The following SPMIP2 variants were observed in gnomAD, a reference collection of about 807,000 sequenced individuals.
SPMIP2 encodes the protein protein SPMIP2.
At chr4:158,953,927 T>C in the SPMIP2 span, among the ~76,000 whole-genome samples, 1 of 152,206 alleles carries the variant, frequency 6.6e-6, no homozygotes, top group Non-Finnish European at 1.5e-5. Flanking sequence ...TGTACTCACA[T>C]TGTATTGAGG....
chr4:158,915,684 T>C, the SPMIP2 span, among the ~76,000 whole-genome samples: 2 of 152,204 alleles, frequency 1.3e-5, no homozygotes, highest in Non-Finnish European at 2.9e-5. Flanking sequence ...TGAGGCTTCA[T>C]GAGACCCATG....
the SPMIP2 span, among the ~76,000 whole-genome samples, chr4:158,984,326 T>G: frequency 7.0e-6 from 1 of 143,264 alleles, no homozygotes; most frequent in African/African-American, 2.6e-5. Context: ...CCACAGAATA[T>G]ACATTTTTTT....
chr4:159,072,061 C>T, the SPMIP2 span, among the ~76,000 whole-genome samples: 28,833 of 152,182 alleles, frequency 0.19, 2,759 homozygotes, highest in Admixed American at 0.25. Flanking sequence ...CCCTGTAGTC[C>T]CAGCACTTTG....
chr4:159,073,828 A>G, the SPMIP2 span, among the ~76,000 whole-genome samples: 17 of 152,136 alleles, frequency 1.1e-4, no homozygotes, highest in African/African-American at 4.1e-4. Context: ...ATGGTGAAAC[A>G]CTATCTCTAC....
chr4:159,074,988 C>T, the SPMIP2 span, among the ~76,000 whole-genome samples: 16 of 152,068 alleles, frequency 1.1e-4, no homozygotes, highest in African/African-American at 3.6e-4. Context: ...AGGATGGAGC[C>T]CTTGCCCTCT....
the SPMIP2 span, among the ~76,000 whole-genome samples, chr4:158,901,770 A>T: frequency 6.6e-6 from 1 of 151,506 alleles, no homozygotes; most frequent in Non-Finnish European, 1.5e-5. Flanking sequence ...CTTCTGCTTG[A>T]TTGATCCAGC....
the SPMIP2 span, among the ~76,000 whole-genome samples, chr4:158,895,525 A>T: frequency 6.6e-6 from 1 of 152,264 alleles, no homozygotes; most frequent in East Asian, 1.9e-4. Flanking sequence ...AGAATAATAC[A>T]TATGTAAATC....
chr4:158,919,859 T>C, the SPMIP2 span, among the ~76,000 whole-genome samples: 1 of 152,216 alleles, frequency 6.6e-6, no homozygotes, highest in Non-Finnish European at 1.5e-5. Context: ...TCATTCTTTA[T>C]ACACTTCCTT....
the SPMIP2 span, among the ~76,000 whole-genome samples, chr4:159,006,833 G>A: frequency 6.6e-6 from 1 of 152,180 alleles, no homozygotes; most frequent in East Asian, 1.9e-4. Flanking sequence ...AGAAATCAGG[G>A]AGTCAAAGTG....
chr4:158,899,280 G>A, the SPMIP2 span, among the ~76,000 whole-genome samples: 1 of 152,168 alleles, frequency 6.6e-6, no homozygotes, highest in Non-Finnish European at 1.5e-5. Flanking sequence ...TTGCATTGAT[G>A]TTCATCAGGG....
chr4:159,034,928 C>T, the SPMIP2 span: 2 of 800,560 alleles, frequency 2.5e-6, no homozygotes, highest in Non-Finnish European at 3.9e-6. Context: ...AAACAAAAAA[C>T]ATATGTGATC....
At chr4:158,950,671 G>A in the SPMIP2 span, among the ~76,000 whole-genome samples, 1 of 152,136 alleles carries the variant, frequency 6.6e-6, no homozygotes, top group Non-Finnish European at 1.5e-5. Flanking sequence ...CGAGGCAGGT[G>A]GATCACCTGA....
the SPMIP2 span, among the ~76,000 whole-genome samples, chr4:158,977,198 T>C: frequency 6.6e-6 from 1 of 152,212 alleles, no homozygotes; most frequent in Non-Finnish European, 1.5e-5. Flanking sequence ...ACCCCCCTGG[T>C]AGAATTCGGC....
chr4:158,983,408 A>T, the SPMIP2 span, among the ~76,000 whole-genome samples: 1 of 151,816 alleles, frequency 6.6e-6, no homozygotes, highest in Non-Finnish European at 1.5e-5. Context: ...GGGCAGCCAG[A>T]GAGAAAGGTC....
chr4:158,973,259 A>G, the SPMIP2 span: 1 of 1,613,824 alleles, frequency 6.2e-7, no homozygotes, highest in South Asian at 1.1e-5. Flanking sequence ...GTTCTCCTAC[A>G]TAGGAGGTGT....
the SPMIP2 span, among the ~76,000 whole-genome samples, chr4:158,919,343 A>G: frequency 6.6e-6 from 1 of 152,188 alleles, no homozygotes; most frequent in Non-Finnish European, 1.5e-5. Context: ...ATTAGTTTTT[A>G]TGTCTCCTTC....
At chr4:158,897,368 G>A in the SPMIP2 span, among the ~76,000 whole-genome samples, 2 of 152,150 alleles carry the variant, frequency 1.3e-5, no homozygotes, top group Non-Finnish European at 2.9e-5. Context: ...GTAATGGGAT[G>A]GCTGGGTCAG....
the SPMIP2 span, among the ~76,000 whole-genome samples, chr4:159,053,248 GC>G: frequency 1.3e-5 from 2 of 152,198 alleles, no homozygotes; most frequent in Non-Finnish European, 2.9e-5. Flanking sequence ...GAGCCACCGC[GC>G]CCGGCCGACT....
chr4:158,939,847 AAAAAC>A, the SPMIP2 span, among the ~76,000 whole-genome samples: 1 of 152,188 alleles, frequency 6.6e-6, no homozygotes, highest in Non-Finnish European at 1.5e-5. Context: ...TCAAAAACAA[AAAAAC>A]AAAAGGATCC....
Sources: allele counts gnomAD v4.1 joint callset (sites outside exome capture counted in the v4.1 genomes callset), GRCh38; gene constraint gnomAD v4.1.1; transcripts MANE v1.5; gene names NCBI Gene and HGNC (gene_info 2026-07-23, HGNC 2026-07-21).